Variants in IGBP1C observed in about 807,000 individuals in gnomAD.
IGBP1C encodes the protein IGBP1 family member C.
chr17:58,679,203 T>C, the IGBP1C span, among the ~76,000 whole-genome samples: 2 of 151,902 alleles, frequency 1.3e-5, no homozygotes, highest in African/African-American at 4.8e-5. Flanking sequence ...CAAAAAGATA[T>C]AAAGACAGAA....
chr17:58,679,202 A>T, the IGBP1C span, among the ~76,000 whole-genome samples: 1 of 152,146 alleles, frequency 6.6e-6, no homozygotes, highest in African/African-American at 2.4e-5. Flanking sequence ...ACAAAAAGAT[A>T]TAAAGACAGA....
chr17:58,663,215 G>A, the IGBP1C span, among the ~76,000 whole-genome samples: 1 of 151,902 alleles, frequency 6.6e-6, no homozygotes, highest in African/African-American at 2.4e-5. Flanking sequence ...CTGAGGTCGG[G>A]AGTTCAAGAC....
At chr17:58,686,724 A>T in the IGBP1C span, among the ~76,000 whole-genome samples, 1 of 152,146 alleles carries the variant, frequency 6.6e-6, no homozygotes. Context: ...CTGCTAGTAT[A>T]TATGTCTGAG....
chr17:58,692,016 C>G, the IGBP1C span: 1 of 153,960 alleles, frequency 6.5e-6, no homozygotes, highest in Non-Finnish European at 1.4e-5. Context: ...GGATACGACT[C>G]CCGGGAAGAC....
At chr17:58,661,745 G>A in the IGBP1C span, 2 of 559,832 alleles carry the variant, frequency 3.6e-6, no homozygotes, top group Non-Finnish European at 3.1e-6. Context: ...CGGCATAGGG[G>A]AAGGCAACGG....
the IGBP1C span, among the ~76,000 whole-genome samples, chr17:58,663,630 C>T: frequency 1.3e-5 from 2 of 151,912 alleles, no homozygotes; most frequent in African/African-American, 4.8e-5. Context: ...CCACGCCTGG[C>T]TAATTTTTTG....
chr17:58,688,148 T>C, the IGBP1C span, among the ~76,000 whole-genome samples: 1 of 152,162 alleles, frequency 6.6e-6, no homozygotes, highest in Non-Finnish European at 1.5e-5. Context: ...GAGACTGAGT[T>C]TTCCTCTTGT....
At chr17:58,678,849 AT>A in the IGBP1C span, among the ~76,000 whole-genome samples, 6 of 148,774 alleles carry the variant, frequency 4.0e-5, no homozygotes, top group African/African-American at 1.5e-4. Context: ...AATAATAATA[AT>A]AATAAAAGAG....
the IGBP1C span, among the ~76,000 whole-genome samples, chr17:58,681,798 A>T: frequency 6.6e-6 from 1 of 151,876 alleles, no homozygotes; most frequent in Non-Finnish European, 1.5e-5. Flanking sequence ...AGCTAAGATC[A>T]TGCCATTGCA....
chr17:58,671,903 C>A, the IGBP1C span, among the ~76,000 whole-genome samples: 5 of 152,272 alleles, frequency 3.3e-5, no homozygotes, highest in Non-Finnish European at 7.4e-5. Context: ...AGCCCCATCT[C>A]TCACCTACTT....
At chr17:58,660,877 T>C in the IGBP1C span, 3 of 800,278 alleles carry the variant, frequency 3.7e-6, no homozygotes, top group Admixed American at 5.1e-5. Context: ...AGGGTTTCAT[T>C]GGAGGCCTCT....
At chr17:58,674,839 GA>G in the IGBP1C span, among the ~76,000 whole-genome samples, 567 of 123,362 alleles carry the variant, frequency 4.6e-3, 3 homozygotes, top group African/African-American at 0.013. Context: ...GAGGCCTTTG[GA>G]AAAAAAAAAA....
the IGBP1C span, among the ~76,000 whole-genome samples, chr17:58,683,837 C>T: frequency 1.3e-5 from 2 of 151,340 alleles, no homozygotes; most frequent in African/African-American, 4.9e-5. Flanking sequence ...GAGGCTGAGG[C>T]GGGCGGATCA....
chr17:58,687,725 CTA>C, the IGBP1C span, among the ~76,000 whole-genome samples: 8 of 152,134 alleles, frequency 5.3e-5, no homozygotes, highest in Admixed American at 3.3e-4. Context: ...TATTCCTCTC[CTA>C]TGTCTCCAGA....
At chr17:58,671,187 T>C in the IGBP1C span, among the ~76,000 whole-genome samples, 734 of 152,312 alleles carry the variant, frequency 4.8e-3, 4 homozygotes, top group African/African-American at 0.017. Context: ...GCTTAACCCA[T>C]TCACTAAGAT....
chr17:58,683,008 G>A, the IGBP1C span, among the ~76,000 whole-genome samples: 3 of 148,058 alleles, frequency 2.0e-5, no homozygotes, highest in Admixed American at 6.9e-5. Flanking sequence ...TGTCGAGATC[G>A]CGCCATTGCA....
At chr17:58,670,409 A>T in the IGBP1C span, among the ~76,000 whole-genome samples, 1 of 151,942 alleles carries the variant, frequency 6.6e-6, no homozygotes, top group Non-Finnish European at 1.5e-5. Context: ...AAGCCTAAAT[A>T]AACTTTGGGA....
the IGBP1C span, among the ~76,000 whole-genome samples, chr17:58,682,550 G>A: frequency 3.9e-5 from 6 of 151,980 alleles, no homozygotes; most frequent in African/African-American, 9.7e-5. Context: ...GAGCCACCAC[G>A]ACCACTCCTC....
chr17:58,690,849 C>T, the IGBP1C span, among the ~76,000 whole-genome samples: 1 of 152,112 alleles, frequency 6.6e-6, no homozygotes, highest in African/African-American at 2.4e-5. Context: ...TGAATCTTGG[C>T]TTTAAGAAAA....
Sources: allele counts gnomAD v4.1 joint callset (sites outside exome capture counted in the v4.1 genomes callset), GRCh38; gene constraint gnomAD v4.1.1; transcripts MANE v1.5; gene names NCBI Gene and HGNC (gene_info 2026-07-23, HGNC 2026-07-21).